Variants in PAX9 observed in about 807,000 individuals in gnomAD.
PAX9 encodes the protein paired box protein Pax-9.
PAX9 carries 6 observed loss-of-function variants against 29.1 expected under a neutral mutation model. The observed-to-expected ratio is 0.21, with a 90% CI of 0.11 to 0.41. PAX9 has a LOEUF of 0.41. PAX9 is among the 10% of genes least tolerant of loss of function. The pLI, the probability that PAX9 is intolerant of heterozygous loss-of-function variation, is 1.00. For synonymous variants in PAX9, 217 were observed against 211.7 expected, an observed-to-expected ratio of 1.03 and a Z score of -0.22; for missense variants, 443 against 479.1, an observed-to-expected ratio of 0.92 and a Z score of 0.70.
chr14:36,674,166 C>CT (rs904462513), intron 3 of PAX9, among the ~76,000 whole-genome samples: 1 of 152,194 alleles, frequency 6.6e-6, no homozygotes, highest in African/African-American at 2.4e-5. Context: ...AGTGTGTCTC[C>CT]TTTGAGACAT....
At chr14:36,663,646 A>T in intron 2 of PAX9, 123 bp downstream of exon 2, 1 of 1,269,964 alleles carries the variant, frequency 7.9e-7, no homozygotes, top group South Asian at 1.3e-5. Context: ...TTTCCTTTGG[A>T]AACGTAAGGA....
chr14:36,658,377 G>C (rs950774108), upstream of PAX9, among the ~76,000 whole-genome samples: 10 of 151,532 alleles, frequency 6.6e-5, no homozygotes, highest in Admixed American at 2.6e-4. Flanking sequence ...CTCGCTTGGG[G>C]GGGGGGGGTC....
chr14:36,669,236 ATTAATACTT>A (rs1881620936), intron 3 of PAX9, among the ~76,000 whole-genome samples: 1 of 152,198 alleles, frequency 6.6e-6, no homozygotes, highest in Non-Finnish European at 1.5e-5. Context: ...TAAATTGCAC[ATTAATACTT>A]GTTTATAAAC....
intron 3 of PAX9, among the ~76,000 whole-genome samples, chr14:36,667,688 C>A (rs1426145894): frequency 6.6e-6 from 1 of 152,156 alleles, no homozygotes; most frequent in Non-Finnish European, 1.5e-5. Context: ...TTCCTCTTCC[C>A]TCTCTTATTT....
chr14:36,662,160 GA>G, intron 1 of PAX9, 67 bp downstream of exon 1: 1 of 863,890 alleles, frequency 1.2e-6, no homozygotes, highest in Non-Finnish European at 1.7e-6. Flanking sequence ...GCAAGGGAGG[GA>G]GGGAGGGAGG....
At chr14:36,659,111 C>A (rs1382962672), upstream of PAX9, among the ~76,000 whole-genome samples, 1 of 152,248 alleles carries the variant, frequency 6.6e-6, no homozygotes, top group Non-Finnish European at 1.5e-5. Flanking sequence ...CCTGAGCCAG[C>A]TGCAGGCCTT....
intron 1 of PAX9, 22 bp downstream of exon 1, chr14:36,662,115 T>C (rs1382107085): frequency 1.5e-6 from 2 of 1,355,274 alleles, no homozygotes; most frequent in East Asian, 3.8e-5. Flanking sequence ...CGGGGGACTC[T>C]GTCAGAGCCG....
At chr14:36,662,501 C>T in intron 1 of PAX9, 1 of 385,698 alleles carries the variant, frequency 2.6e-6, no homozygotes, top group East Asian at 4.3e-5. Flanking sequence ...GCCGGGTCTC[C>T]AGAAGGAACG....
At chr14:36,666,696 G>A (rs1373783482) in intron 3 of PAX9, 95 bp downstream of exon 3, 2 of 1,456,974 alleles carry the variant, frequency 1.4e-6, no homozygotes, top group Non-Finnish European at 1.9e-6. Context: ...AGCTTCCCGC[G>A]AGAGAAGCCC....
Position 36,679,267 on chromosome 14 carries a change from G to A in PAX9, c.*2815G>A, listed in dbSNP as rs1159519338. 1.1e-5 allele frequency: 11 copies of A among 982,842 alleles called. No homozygotes were observed. The highest frequency in any genetic ancestry group is 1.2e-5 in the Non-Finnish European group (10 of 827,650). 60.9% of individuals were successfully genotyped at this position (982,842 alleles called of 1,614,324 possible). ...AAATTTTAAAAAACACGTTGGAAAGGATGTACAACAGAAGGCTATGTATGT... is the reference window on the plus strand; with the variant it reads ...AAATTTTAAAAAACACGTTGGAAAGAATGTACAACAGAAGGCTATGTATGT... On this transcript the variant is annotated 3_prime_UTR_variant, in exon 4 of 4. Transcript: ENST00000361487.
chr14:36,673,982 G>A (rs1489199076), intron 3 of PAX9, among the ~76,000 whole-genome samples: 1 of 152,274 alleles, frequency 6.6e-6, no homozygotes, highest in South Asian at 2.1e-4. Context: ...ATACAGATGT[G>A]AACACCTTTC....
In PAX9 at chr14:36,676,633, T is replaced by C; in HGVS notation, c.*181T>C. 1.4e-6 allele frequency: 1 copy of C among 702,098 alleles called. No individual in the cohort carries two copies. The highest frequency in any genetic ancestry group is 2.4e-6 in the Non-Finnish European group (1 of 414,698). The allele number at this position is 702,098 out of a possible 1,614,324, so 43.5% of individuals were successfully genotyped here. On this transcript the variant is annotated 3_prime_UTR_variant, in exon 4 of 4. Coordinates refer to ENST00000361487, the MANE Select transcript of PAX9 (RefSeq NM_001372076.1). ...TACATATTTCTTGCCATAACTTTTCTCTTGCAGAAAAACTGACATGACTTT... is the reference window on the plus strand; with the variant it reads ...TACATATTTCTTGCCATAACTTTTCCCTTGCAGAAAAACTGACATGACTTT...
chr14:36,666,933 T>C (rs2139113319), intron 3 of PAX9, among the ~76,000 whole-genome samples: 1 of 152,218 alleles, frequency 6.6e-6, no homozygotes, highest in East Asian at 2.0e-4. Context: ...CCGAAGCCCT[T>C]TCGGCGGCTC....
upstream of PAX9, among the ~76,000 whole-genome samples, chr14:36,658,372 T>C (rs1190677135): frequency 7.6e-6 from 1 of 131,156 alleles, no homozygotes; most frequent in Non-Finnish European, 1.6e-5. Context: ...TGGGCCTCGC[T>C]TGGGGGGGGG....
upstream of PAX9, among the ~76,000 whole-genome samples, chr14:36,661,376 T>C (rs78691514): frequency 0.014 from 2,136 of 152,342 alleles, 52 homozygotes; most frequent in African/African-American, 0.049. Flanking sequence ...CCACCTGGCA[T>C]GGACTGAAGT....
rs1377130150 is a variant in PAX9, at chr14:36,661,860, A to G, written c.-230A>G. On this transcript the variant is annotated 5_prime_UTR_variant, in exon 1 of 4. Transcript: ENST00000361487. ...TAGACGGAGCCGCCCTGCCCTGCTC[A>G]GCCCAGCCCACGTTGCTGCTTAGAT... 4.8e-6 allele frequency: 3 copies of G among 619,072 alleles called. No homozygotes were observed. The allele number at this position is 619,072 out of a possible 1,614,324, so 38.3% of individuals were successfully genotyped here.
At chr14:36,662,752 G>A (rs367721059) in intron 1 of PAX9, 145 bp from the exon 2 acceptor site, 1 of 949,968 alleles carries the variant, frequency 1.1e-6, no homozygotes, top group African/African-American at 1.6e-5. Context: ...TATGTTCAGG[G>A]ACCATATGGT....
rs201901512 is a variant in PAX9, at chr14:36,663,351, G to C, written c.459G>C (p.Ala153=). 6.2e-7 allele frequency: 1 copy of C among 1,614,088 alleles called. No homozygotes were observed. The highest frequency in any genetic ancestry group is 1.3e-5 in the African/African-American group (1 of 75,062). The change falls in exon 2 of 4, where the codon GCG becomes GCC. Residue 153 remains alanine, a synonymous_variant. Transcript: ENST00000361487. ...AGCACCAGCCGACGCCGCAGCCAGC[G>C]CTGCCCTACAACCACATCTACTCGT... ...YKQHQPTPQP[A]LPYNHIYSYP...
chr14:36,678,799 C>T lies in PAX9; in HGVS notation c.*2347C>T. On this transcript the variant is annotated 3_prime_UTR_variant, in exon 4 of 4. Coordinates refer to ENST00000361487, the MANE Select transcript of PAX9 (RefSeq NM_001372076.1). ...TCTAATATTAATGGTATTGAAGTTT[C>T]CTTTTCTCCCTCTAGGTCTTAACAG... 9.8e-7 allele frequency: 1 copy of T among 1,017,298 alleles called. No homozygotes were observed. The highest frequency in any genetic ancestry group is 1.2e-6 in the Non-Finnish European group (1 of 841,188). 63.0% of individuals were successfully genotyped at this position (1,017,298 alleles called of 1,614,324 possible). A position where few individuals can be genotyped will look rare whatever the true frequency, so the allele number is the denominator to read the frequency against.
Sources: allele counts gnomAD v4.1 joint callset (sites outside exome capture counted in the v4.1 genomes callset), GRCh38; gene constraint gnomAD v4.1.1; transcripts MANE v1.5; gene names NCBI Gene and HGNC (gene_info 2026-07-23, HGNC 2026-07-21).